Variants in OPCML observed in about 807,000 individuals in gnomAD.
OPCML encodes opioid binding protein/cell adhesion molecule like, also known as opioid-binding protein/cell adhesion molecule.
In OPCML, 13 loss-of-function variants were observed where a neutral mutation model predicts 37.8. The observed-to-expected ratio is 0.34, with a 90% CI of 0.22 to 0.55. The LOEUF (loss-of-function observed/expected upper bound fraction) is 0.55, where lower values mean the gene tolerates loss of function less well. Ranked by LOEUF, OPCML falls within the 20% of genes least tolerant of loss-of-function variation. OPCML has a pLI of 0.91. For missense variants in OPCML, 341 were observed against 435.6 expected (o/e 0.78, Z 1.93); for synonymous variants, 176 against 168.8 (o/e 1.04, Z -0.33).
At chr11:133,078,978 A>T (rs1289722105) in intron 1 of OPCML, among the ~76,000 whole-genome samples, 1 of 152,046 alleles carries the variant, frequency 6.6e-6, no homozygotes, top group Non-Finnish European at 1.5e-5. Context: ...TTTTACTGGA[A>T]TCCTTACATT....
chr11:133,460,347 G>A (rs1946829853), intron 1 of OPCML, among the ~76,000 whole-genome samples: 1 of 151,420 alleles, frequency 6.6e-6, no homozygotes, highest in Admixed American at 6.6e-5. Flanking sequence ...ACTAGCAGAA[G>A]GAATGAATTA....
intron 2 of OPCML, among the ~76,000 whole-genome samples, chr11:132,688,794 C>CAA (rs1943274296): frequency 4.5e-5 from 2 of 44,894 alleles, no homozygotes; most frequent in Non-Finnish European, 9.1e-5. Flanking sequence ...AAAAAAAATA[C>CAA]AAAAAATTAG....
At chr11:133,107,245 G>A (rs564656551) in intron 1 of OPCML, among the ~76,000 whole-genome samples, 1 of 152,256 alleles carries the variant, frequency 6.6e-6, no homozygotes, top group Admixed American at 6.5e-5. Flanking sequence ...TTATTAACTG[G>A]AACTTATAAG....
chr11:133,083,164 ACCCCGCCGAGCGGGC>A (rs2137036794), intron 1 of OPCML, among the ~76,000 whole-genome samples: 1 of 151,974 alleles, frequency 6.6e-6, no homozygotes, highest in Non-Finnish European at 1.5e-5. Flanking sequence ...ACACGCACAC[ACCCCGCCGAGCGGGC>A]CGCACAGTCA....
At chr11:132,870,027 C>CT (rs536310403) in intron 2 of OPCML, among the ~76,000 whole-genome samples, 117 of 152,144 alleles carry the variant, frequency 7.7e-4, no homozygotes, top group African/African-American at 2.7e-3. Flanking sequence ...TGTAACGCCC[C>CT]TTCCCTCCTA....
At chr11:132,904,220 A>G (rs974777222) in intron 2 of OPCML, among the ~76,000 whole-genome samples, 7 of 152,214 alleles carry the variant, frequency 4.6e-5, no homozygotes, top group Non-Finnish European at 2.9e-5. Flanking sequence ...CTTTTCACCT[A>G]TTTGGCCATT....
chr11:133,276,077 A>G (rs1941985759), intron 1 of OPCML, among the ~76,000 whole-genome samples: 2 of 152,320 alleles, frequency 1.3e-5, no homozygotes, highest in Middle Eastern at 3.4e-3. Context: ...ATAAAAAATG[A>G]CTTCCCAGAA....
intron 1 of OPCML, among the ~76,000 whole-genome samples, chr11:133,114,527 C>T (rs138496541): frequency 6.6e-6 from 1 of 152,256 alleles, no homozygotes; most frequent in African/African-American, 2.4e-5. Context: ...GTCCTGAACC[C>T]AGGCCAGAGT....
intron 1 of OPCML, among the ~76,000 whole-genome samples, chr11:133,161,492 C>T (rs1488824471): frequency 6.6e-6 from 1 of 152,128 alleles, no homozygotes; most frequent in African/African-American, 2.4e-5. Flanking sequence ...TGAGTGGCAG[C>T]TGGCAGAAAG....
chr11:133,167,216 T>C (rs895202427), intron 1 of OPCML, among the ~76,000 whole-genome samples: 3 of 152,216 alleles, frequency 2.0e-5, no homozygotes, highest in African/African-American at 4.8e-5. Flanking sequence ...CTCATCCCAT[T>C]GGGTCTTTGC....
chr11:133,031,775 T>A (rs1591931189), intron 1 of OPCML, among the ~76,000 whole-genome samples: 2 of 148,632 alleles, frequency 1.3e-5, no homozygotes, highest in South Asian at 4.2e-4. Flanking sequence ...AGAAAAAAAA[T>A]TTTCTCCCTT....
chr11:133,362,372 G>A (rs1013758966), intron 1 of OPCML, among the ~76,000 whole-genome samples: 7 of 152,192 alleles, frequency 4.6e-5, no homozygotes, highest in Non-Finnish European at 1.0e-4. Flanking sequence ...CCTCCTGGAC[G>A]GTGTCTCTTC....
At chr11:132,641,093 A>G (rs778694754) in intron 3 of OPCML, among the ~76,000 whole-genome samples, 12 of 152,184 alleles carry the variant, frequency 7.9e-5, no homozygotes, top group Non-Finnish European at 1.8e-4. Flanking sequence ...TCTAGGCAGC[A>G]GGCATCACCT....
chr11:133,361,157 C>A (rs1944404994), intron 1 of OPCML: 1 of 152,302 alleles, frequency 6.6e-6, no homozygotes, highest in Non-Finnish European at 1.5e-5. Flanking sequence ...ACCAAGCCGG[C>A]GCTGTCCGTG....
Position 133,532,337 on chromosome 11 carries a change from G to C in OPCML, c.-13C>G, listed in dbSNP as rs1238409330. ...CAGGATGGTACATCTCGACGCTGCG[G>C]TGCTCTCAGCTGCCGGGCTTGCTAC... On this transcript the variant is annotated 5_prime_UTR_variant, in exon 1 of 8. Transcript: ENST00000524381. 4 of 1,612,376 alleles carry C rather than the reference G, an allele frequency of 2.5e-6. No homozygotes were observed. In the African/African-American group the frequency reaches 5.3e-5, roughly 22 times the overall value.
chr11:132,986,679 A>G (rs571578577), intron 1 of OPCML, among the ~76,000 whole-genome samples: 11 of 152,338 alleles, frequency 7.2e-5, no homozygotes, highest in African/African-American at 2.6e-4. Context: ...CTGTATCTGT[A>G]TGCCTTTAGA....
At chr11:133,326,791 T>G (rs1203705500) in intron 1 of OPCML, among the ~76,000 whole-genome samples, 5 of 84,428 alleles carry the variant, frequency 5.9e-5, no homozygotes, top group Non-Finnish European at 7.1e-5. Context: ...GATGTGGATG[T>G]GGGGTGTGGG....
At chr11:133,427,428 C>T (rs866920261) in intron 1 of OPCML, among the ~76,000 whole-genome samples, 22 of 51,264 alleles carry the variant, frequency 4.3e-4, no homozygotes, top group Middle Eastern at 0.023. Context: ...GGTGGGGGGG[C>T]GGGGTTCAAA....
At chr11:132,768,281 A>G (rs1438705171) in intron 2 of OPCML, among the ~76,000 whole-genome samples, 2 of 152,162 alleles carry the variant, frequency 1.3e-5, no homozygotes, top group East Asian at 3.9e-4. Flanking sequence ...TAACCATCCA[A>G]AAGACCATCT....
Sources: gnomAD v4.1 joint callset for allele counts (sites outside exome capture counted in the v4.1 genomes callset) on GRCh38, gnomAD v4.1.1 for gene constraint, MANE v1.5 for transcripts, NCBI Gene and HGNC (gene_info 2026-07-23, HGNC 2026-07-21) for gene names.